The following SAMMSON variants were observed in gnomAD, a reference collection of about 807,000 sequenced individuals.
SAMMSON encodes the protein long intergenic non-protein coding RNA 1212.
chr3:70,208,852 C>G (rs1701314429), intron 4 of SAMMSON, among the ~76,000 whole-genome samples: 1 of 152,048 alleles, frequency 6.6e-6, no homozygotes, highest in South Asian at 2.1e-4. Flanking sequence ...AATTTCTATT[C>G]TCTTCCTTTT....
At chr3:70,317,356 C>G (rs1702502191) in intron 7 of SAMMSON, among the ~76,000 whole-genome samples, 1 of 151,858 alleles carries the variant, frequency 6.6e-6, no homozygotes, top group African/African-American at 2.4e-5. Context: ...AATATATGTT[C>G]ACTTCAGGTG....
chr3:70,350,508 A>G (rs924455383), intron 7 of SAMMSON, among the ~76,000 whole-genome samples: 13 of 152,112 alleles, frequency 8.5e-5, no homozygotes, highest in African/African-American at 2.9e-4. Flanking sequence ...TTATGATACA[A>G]TTAGATAAGA....
At chr3:70,399,329 G>C (rs12635167) in intron 2 of SAMMSON, among the ~76,000 whole-genome samples, 1,874 of 152,278 alleles carry the variant, frequency 0.012, 30 homozygotes, top group East Asian at 0.053. Flanking sequence ...AAATGGGGTA[G>C]AAATTGGGAA....
intron 4 of SAMMSON, among the ~76,000 whole-genome samples, chr3:70,173,708 GT>G (rs1345686123): frequency 6.6e-6 from 1 of 151,640 alleles, no homozygotes; most frequent in African/African-American, 2.4e-5. Flanking sequence ...CTTTTTTTGT[GT>G]TTTTACAGTC....
intron 2 of SAMMSON, among the ~76,000 whole-genome samples, chr3:70,429,407 C>G (rs1358950771): frequency 6.6e-6 from 1 of 152,102 alleles, no homozygotes; most frequent in Non-Finnish European, 1.5e-5. Flanking sequence ...CATGATGCCT[C>G]CAGCTTTGTT....
At chr3:70,107,832 C>G (rs570568575) in intron 4 of SAMMSON, among the ~76,000 whole-genome samples, 2 of 152,156 alleles carry the variant, frequency 1.3e-5, no homozygotes, top group South Asian at 4.2e-4. Context: ...GAGAATTTTA[C>G]CTACCATGTA....
At chr3:70,411,973 A>G (rs528510078) in intron 2 of SAMMSON, among the ~76,000 whole-genome samples, 2 of 152,324 alleles carry the variant, frequency 1.3e-5, no homozygotes, top group African/African-American at 2.4e-5. Flanking sequence ...CACATGAAAC[A>G]TGTAACAAAA....
chr3:70,106,817 A>G (rs1210616911), intron 4 of SAMMSON, among the ~76,000 whole-genome samples: 2 of 152,318 alleles, frequency 1.3e-5, no homozygotes, highest in East Asian at 3.9e-4. Flanking sequence ...GTTGGTTAAG[A>G]TAGCCTTTGA....
chr3:70,233,951 C>T (rs913009584), intron 4 of SAMMSON, among the ~76,000 whole-genome samples: 1 of 152,094 alleles, frequency 6.6e-6, no homozygotes, highest in Non-Finnish European at 1.5e-5. Context: ...TATGAAAATT[C>T]CCGTGCAAGT....
chr3:70,330,702 T>A (rs1307767722), intron 7 of SAMMSON, among the ~76,000 whole-genome samples: 1 of 152,102 alleles, frequency 6.6e-6, no homozygotes, highest in African/African-American at 2.4e-5. Flanking sequence ...CGGGAGAAGA[T>A]GTTTTTGGTT....
chr3:70,125,205 C>T, intron 4 of SAMMSON: 4 of 1,450,084 alleles, frequency 2.8e-6, no homozygotes, highest in Non-Finnish European at 3.9e-6. Context: ...TTAGGAAGTC[C>T]AATGGAAGCT....
chr3:70,080,816 A>G (rs1197976660), intron 4 of SAMMSON, among the ~76,000 whole-genome samples: 1 of 152,164 alleles, frequency 6.6e-6, no homozygotes, highest in African/African-American at 2.4e-5. Flanking sequence ...CGATATTGCA[A>G]AAATGATCCT....
At chr3:70,423,327 G>A (rs144969581) in intron 2 of SAMMSON, among the ~76,000 whole-genome samples, 1 of 152,232 alleles carries the variant, frequency 6.6e-6, no homozygotes, top group African/African-American at 2.4e-5. Flanking sequence ...GTAAAATGTT[G>A]TAAGAATGGT....
intron 4 of SAMMSON, among the ~76,000 whole-genome samples, chr3:70,138,758 C>A (rs1357155866): frequency 6.6e-6 from 1 of 152,184 alleles, no homozygotes; most frequent in African/African-American, 2.4e-5. Flanking sequence ...ATGAGTGAGA[C>A]TCAAGGTATG....
In SAMMSON at chr3:70,020,289, A is replaced by G. The variant is rs1317991747; in HGVS notation, n.417+6617A>G. Among the ~76,000 whole-genome samples, 3 of 152,134 alleles carry G rather than the reference A, an allele frequency of 2.0e-5. No individual in the cohort carries two copies. In the East Asian group the frequency reaches 5.8e-4, roughly 29 times the overall value. On this transcript the variant is annotated intron_variant and non_coding_transcript_variant, in intron 3 of 9. Coordinates refer to ENST00000642114, the Ensembl canonical transcript of SAMMSON. Reference sequence around the variant, plus strand: ...CTTTATTTTTCCACAATCAAGAGCTAAGAGATTAATGCAGAAAGCAAAAAT... The same window carrying G: ...CTTTATTTTTCCACAATCAAGAGCTGAGAGATTAATGCAGAAAGCAAAAAT...
In SAMMSON at chr3:70,231,732, G is replaced by A. The variant is rs2106745049; in HGVS notation, n.508-17375G>A. Among the ~76,000 whole-genome samples, 2 of 152,142 alleles carry A rather than the reference G, an allele frequency of 1.3e-5. 1 individual carries two copies. The highest frequency in any genetic ancestry group is 3.9e-4 in the East Asian group (2 of 5,170). ...ACACGGAGAGAAGAAATGGGACAAG[G>A]AGAGAAGAAATGGGACAAAAGCCAG... is the stretch of plus-strand genomic sequence containing the variant. On this transcript the variant is annotated intron_variant and non_coding_transcript_variant, in intron 4 of 9. Coordinates refer to ENST00000642114, the Ensembl canonical transcript of SAMMSON.
In SAMMSON at chr3:70,334,837, AT is replaced by A. The variant is rs889319481; in HGVS notation, n.740-19336del. ...TGAACTATCTCTTTAGCTCATCTCA[AT>A]TCCCATGTTCCTCTAGGATTGACAA... On this transcript the variant is annotated intron_variant and non_coding_transcript_variant, in intron 7 of 9. Transcript: ENST00000642114. Among the ~76,000 whole-genome samples, 116 of 152,222 alleles carry A rather than the reference AT, an allele frequency of 7.6e-4. 1 individual carries two copies. Among genetic ancestry groups the A allele is most frequent in the African/African-American group, 2.7e-3 (111 of 41,576 alleles).
At chr3:70,211,792 CT>C (rs979666349) in intron 4 of SAMMSON, among the ~76,000 whole-genome samples, 1 of 142,508 alleles carries the variant, frequency 7.0e-6, no homozygotes, top group African/African-American at 2.6e-5. Context: ...CCTTTCCTTT[CT>C]TTTCCTTTCC....
At chr3:70,393,185 T>C (rs948165012), downstream of SAMMSON, among the ~76,000 whole-genome samples, 16 of 152,324 alleles carry the variant, frequency 1.1e-4, no homozygotes, top group African/African-American at 3.4e-4. Context: ...TTATGTTCAC[T>C]TATTATTGGC....
Sources: gnomAD v4.1 joint callset for allele counts (sites outside exome capture counted in the v4.1 genomes callset) on GRCh38, gnomAD v4.1.1 for gene constraint, MANE v1.5 for transcripts, NCBI Gene and HGNC (gene_info 2026-07-23, HGNC 2026-07-21) for gene names.